The following DIAPH2 variants were observed in gnomAD, a reference collection of about 807,000 sequenced individuals.
DIAPH2 encodes the protein diaphanous related formin 2, also known as protein diaphanous homolog 2.
DIAPH2 carries 35 observed loss-of-function variants against 92.7 expected under a neutral mutation model. The observed-to-expected ratio is 0.38, with a 90% CI of 0.29 to 0.50. The LOEUF is 0.50. DIAPH2 is among the 20% of genes least tolerant of loss of function. The pLI, the probability that DIAPH2 is intolerant of heterozygous loss-of-function variation, is 0.94. For synonymous variants in DIAPH2, 301 were observed against 280.4 expected (o/e 1.07, Z -0.73); for missense variants, 701 against 819.5 (o/e 0.86, Z 1.77).
intron 22 of DIAPH2, among the ~76,000 whole-genome samples, chrX:97,157,672 T>A (rs1238967357): frequency 1.8e-5 from 2 of 111,516 alleles, no homozygotes; most frequent in African/African-American, 6.5e-5. Flanking sequence ...GGACTCACCT[T>A]GAATTCTTTC....
Position 97,270,287 on chromosome X carries a change from C to T in DIAPH2, c.2844+22448C>T, listed in dbSNP as rs772637008. Among the ~76,000 whole-genome samples the T allele has an allele frequency of 1.1e-4, 12 of 111,654 alleles. No homozygotes were observed. The East Asian group carries it at 3.4e-3, about 32-fold the overall frequency. ...CCATGTTGGTCAGGCTGGTCTCGAACTCCTGACCTCAGGTGATCCGCCCGC... is the reference window on the plus strand; with the variant it reads ...CCATGTTGGTCAGGCTGGTCTCGAATTCCTGACCTCAGGTGATCCGCCCGC... On this transcript the variant is annotated intron_variant, in intron 23 of 26. Transcript: ENST00000324765.
At chrX:96,704,331 C>A (rs190049564) in intron 1 of DIAPH2, among the ~76,000 whole-genome samples, 1 of 111,993 alleles carries the variant, frequency 8.9e-6, no homozygotes, top group East Asian at 2.8e-4. Flanking sequence ...AAGACAGGAA[C>A]TTCCTGAGTT....
intron 26 of DIAPH2, among the ~76,000 whole-genome samples, chrX:97,568,946 C>T (rs1001995352): frequency 1.6e-4 from 18 of 111,753 alleles, no homozygotes; most frequent in South Asian, 3.7e-4. Flanking sequence ...GCTTTCTCTT[C>T]GAGTTCTAAA....
intron 16 of DIAPH2, among the ~76,000 whole-genome samples, chrX:96,962,378 TAC>T (rs201464271): frequency 0.32 from 20,341 of 63,996 alleles, 3,878 homozygotes; most frequent in South Asian, 0.47. Context: ...CATATATATA[TAC>T]ACATATATAT....
intron 23 of DIAPH2, among the ~76,000 whole-genome samples, chrX:97,343,449 A>G (rs1014175717): frequency 2.7e-5 from 3 of 111,524 alleles, no homozygotes; most frequent in Non-Finnish European, 5.7e-5. Flanking sequence ...CGGGTGGATC[A>G]CCTGAGGTCA....
intron 16 of DIAPH2, among the ~76,000 whole-genome samples, chrX:96,962,155 C>G (rs1485597621): frequency 1.9e-5 from 2 of 103,603 alleles, no homozygotes; most frequent in Non-Finnish European, 3.9e-5. Flanking sequence ...TAGAGTGTAC[C>G]TTTCCCTTTA....
intron 22 of DIAPH2, among the ~76,000 whole-genome samples, chrX:97,206,242 A>C (rs1382381494): frequency 9.0e-6 from 1 of 111,606 alleles, no homozygotes; most frequent in East Asian, 2.8e-4. Flanking sequence ...TGATGAGTGC[A>C]GCAAACCACC....
At chrX:97,359,329 T>G (rs748060212) in intron 24 of DIAPH2, among the ~76,000 whole-genome samples, 1 of 111,257 alleles carries the variant, frequency 9.0e-6, no homozygotes, top group South Asian at 3.8e-4. Context: ...GTGTTCTTTT[T>G]TAATCATTGC....
intron 1 of DIAPH2, among the ~76,000 whole-genome samples, chrX:96,725,758 A>G (rs1309147242): frequency 2.7e-5 from 3 of 112,474 alleles, no homozygotes; most frequent in East Asian, 2.8e-4. Context: ...AAATCACTGT[A>G]TGACTTTTAT....
At chrX:96,935,655 G>A (rs2065652672) in intron 10 of DIAPH2, among the ~76,000 whole-genome samples, 1 of 111,295 alleles carries the variant, frequency 9.0e-6, no homozygotes, top group African/African-American at 3.3e-5. Context: ...TGTGCTATAT[G>A]TGCTCATATA....
intron 25 of DIAPH2, among the ~76,000 whole-genome samples, chrX:97,408,694 G>A (rs189398142): frequency 1.8e-5 from 2 of 111,769 alleles, no homozygotes; most frequent in Non-Finnish European, 3.8e-5. Flanking sequence ...TATTTATGTG[G>A]TAGTCTTTCT....
intron 20 of DIAPH2, among the ~76,000 whole-genome samples, chrX:97,112,540 G>A (rs974022172): frequency 1.8e-5 from 2 of 109,995 alleles, no homozygotes; most frequent in Non-Finnish European, 3.8e-5. Context: ...CATACACAAA[G>A]AGACCTGCAA....
intron 20 of DIAPH2, among the ~76,000 whole-genome samples, chrX:97,112,905 G>A (rs2147377177): frequency 9.6e-6 from 1 of 104,532 alleles, no homozygotes; most frequent in East Asian, 3.1e-4. Flanking sequence ...AGCCTCCTGG[G>A]TAGCTGGGAT....
chrX:97,321,982 T>A (rs2068902271), intron 23 of DIAPH2, among the ~76,000 whole-genome samples: 2 of 112,647 alleles, frequency 1.8e-5, no homozygotes, highest in Non-Finnish European at 3.7e-5. Flanking sequence ...CCTTTAAAAG[T>A]ATATTTGCAT....
intron 17 of DIAPH2, among the ~76,000 whole-genome samples, chrX:97,004,707 A>C (rs913664599): frequency 8.9e-6 from 1 of 111,963 alleles, no homozygotes; most frequent in Admixed American, 9.5e-5. Flanking sequence ...TGATTGAGTC[A>C]TTAGGTTTTT....
Position 96,922,944 on chromosome X carries a change from G to A in DIAPH2, c.978+4327G>A, listed in dbSNP as rs144933064. Among the ~76,000 whole-genome samples, 558 of 111,287 alleles carry A rather than the reference G, an allele frequency of 5.0e-3. 5 individuals carry two copies. Among genetic ancestry groups the A allele is most frequent in the African/African-American group, 0.018 (548 of 30,603 alleles). On this transcript the variant is annotated intron_variant, in intron 9 of 26. Coordinates refer to ENST00000324765, the MANE Select transcript of DIAPH2 (RefSeq NM_006729.5). The stretch of plus-strand genomic sequence containing the variant: ...TTGCTGATAGAGAAGCAGTACTATG[G>A]TAGGATGAGAGGTGAAAAGGGCTTC...
At chrX:97,174,699 G>GGT (rs2067479258) in intron 22 of DIAPH2, among the ~76,000 whole-genome samples, 3 of 111,795 alleles carry the variant, frequency 2.7e-5, no homozygotes, top group South Asian at 7.4e-4. Context: ...GATTTCTACT[G>GGT]GTGTGTGTGT....
chrX:96,738,373 A>G (rs1379924346), intron 2 of DIAPH2, among the ~76,000 whole-genome samples: 2 of 111,306 alleles, frequency 1.8e-5, no homozygotes, highest in Admixed American at 9.6e-5. Flanking sequence ...TTTGAAGAAT[A>G]CTTTTCACCC....
chrX:96,828,115 TAC>T (rs781463578), intron 4 of DIAPH2, among the ~76,000 whole-genome samples: 4 of 111,732 alleles, frequency 3.6e-5, no homozygotes, highest in Non-Finnish European at 7.5e-5. Flanking sequence ...TGAATTTACA[TAC>T]ACCTCTGACA....
Sources: allele counts gnomAD v4.1 joint callset (sites outside exome capture counted in the v4.1 genomes callset), GRCh38; gene constraint gnomAD v4.1.1; transcripts MANE v1.5; gene names NCBI Gene and HGNC (gene_info 2026-07-23, HGNC 2026-07-21).